Variants in TEK observed in about 807,000 individuals in gnomAD.
The protein encoded by TEK is angiopoietin-1 receptor.
TEK carries 43 observed loss-of-function variants against 131.8 expected under a neutral mutation model. The observed-to-expected ratio is 0.33, with a 90% confidence interval of 0.26 to 0.42. The LOEUF (loss-of-function observed/expected upper bound fraction) is 0.42, where lower values mean the gene tolerates loss of function less well. Among genes scored for constraint, TEK ranks in the 10% least tolerant of loss-of-function variants. TEK has a pLI of 1.00. For missense variants in TEK, 1,162 were observed against 1,384.4 expected (o/e 0.84, Z 2.55); for synonymous variants, 580 against 491.6 (o/e 1.18, Z -2.38).
intron 17 of TEK, among the ~76,000 whole-genome samples, chr9:27,213,106 A>G (rs1825694135): frequency 6.6e-6 from 1 of 152,224 alleles, no homozygotes; most frequent in Non-Finnish European, 1.5e-5. Context: ...AATTATGAAA[A>G]TTGTATAATT....
chr9:27,191,302 T>G (rs1174734265), intron 10 of TEK, among the ~76,000 whole-genome samples: 2 of 152,072 alleles, frequency 1.3e-5, no homozygotes, highest in Non-Finnish European at 2.9e-5. Context: ...AAAAAATAAT[T>G]GAACAAAATG....
At chr9:27,139,185 C>A (rs1303309212) in intron 1 of TEK, among the ~76,000 whole-genome samples, 2 of 125,602 alleles carry the variant, frequency 1.6e-5, no homozygotes, top group African/African-American at 6.1e-5. Flanking sequence ...TGCACTCCAG[C>A]CTGGGCGACA....
chr9:27,121,265 G>A (rs1821775103), intron 1 of TEK, among the ~76,000 whole-genome samples: 1 of 152,202 alleles, frequency 6.6e-6, no homozygotes. Context: ...GGCAGAGGTT[G>A]CAGTGAGCTG....
chr9:27,129,515 A>G (rs1822129848), intron 1 of TEK, among the ~76,000 whole-genome samples: 2 of 152,088 alleles, frequency 1.3e-5, no homozygotes, highest in South Asian at 4.1e-4. Context: ...CAGAACAAAA[A>G]CCAGGTAGTT....
chr9:27,148,415 T>G (rs1279996993), intron 1 of TEK, among the ~76,000 whole-genome samples: 1 of 152,268 alleles, frequency 6.6e-6, no homozygotes, highest in Non-Finnish European at 1.5e-5. Context: ...AAACATTTAT[T>G]ATGACTTATG....
chr9:27,136,598 G>T (rs1283722926), intron 1 of TEK, among the ~76,000 whole-genome samples: 1 of 152,120 alleles, frequency 6.6e-6, no homozygotes, highest in African/African-American at 2.4e-5. Context: ...TAAATACAGA[G>T]ACACGGGGAC....
chr9:27,202,895 T>C lies in TEK; in HGVS notation c.1985T>C (p.Leu662Ser). ...HSSAVISWTI[L>S]DGYSISSITI... is the part of the protein sequence containing the mutation. Reference sequence around the variant, plus strand: ...TCAGCTGTGATTTCTTGGACAATATTGGATGGCTATTCTATTTCTTCTATT... The same window carrying C: ...TCAGCTGTGATTTCTTGGACAATATCGGATGGCTATTCTATTTCTTCTATT... The change falls in exon 13 of 23, where the codon TTG becomes TCG. Residue 662 changes from leucine (L) to serine (S), a missense_variant. Physicochemically the swap from Leu to Ser is moderately radical, Grantham distance 145. This residue lies in a region of TEK where 477 missense variants were observed against 471.0 expected (regional missense o/e 1.01). Transcript: ENST00000380036. The C allele has an allele frequency of 1.9e-6, 3 of 1,614,206 alleles. No individual in the cohort carries two copies. The highest frequency in any genetic ancestry group is 2.5e-6 in the Non-Finnish European group (3 of 1,180,012).
intron 1 of TEK, among the ~76,000 whole-genome samples, chr9:27,128,444 T>A (rs929846297): frequency 1.3e-5 from 2 of 152,210 alleles, no homozygotes; most frequent in Non-Finnish European, 2.9e-5. Context: ...TGCTTAGGAT[T>A]GTCTTGGCTA....
intron 1 of TEK, among the ~76,000 whole-genome samples, chr9:27,115,912 G>T (rs1175627126): frequency 6.6e-6 from 1 of 152,182 alleles, no homozygotes; most frequent in Non-Finnish European, 1.5e-5. Flanking sequence ...CCCTCATTCT[G>T]TACATGTTGA....
intron 4 of TEK, among the ~76,000 whole-genome samples, chr9:27,171,223 T>C (rs919980776): frequency 4.6e-5 from 7 of 152,340 alleles, no homozygotes; most frequent in Admixed American, 1.3e-4. Context: ...TGATTTGCCC[T>C]GAATTTTCCC....
Position 27,158,154 on chromosome 9 carries a change from CT to C in TEK, c.364+13del. On this transcript the variant is annotated intron_variant, in intron 2 of 22. Coordinates refer to ENST00000380036, the MANE Select transcript of TEK (RefSeq NM_000459.5). ...GATGCGTCAACAAGGTAACATGCCC[CT>C]AAGTTTTGGGCAGGTGAGGCCCACT... 1 of 1,613,926 alleles carries C rather than the reference CT, an allele frequency of 6.2e-7. No individual in the cohort carries two copies. Among genetic ancestry groups the C allele is most frequent in the Non-Finnish European group, 8.5e-7 (1 of 1,179,978 alleles).
At chr9:27,228,681 T>C (rs10812541) in intron 22 of TEK, among the ~76,000 whole-genome samples, 1 of 152,050 alleles carries the variant, frequency 6.6e-6, no homozygotes. Context: ...GTTACTATAA[T>C]GAGGGTCAGG....
At position 27,197,498 on chromosome 9, in the gene TEK, A is replaced by C; in HGVS notation, c.1808A>C (p.Asn603Thr). ...VPGNLTSVLL[N>T]NLHPREQYVV... Reference sequence around the variant, plus strand: ...GGCAACTTGACTTCGGTGCTACTTAACAACTTACATCCCAGGGAGCAGTAC... The same window carrying C: ...GGCAACTTGACTTCGGTGCTACTTACCAACTTACATCCCAGGGAGCAGTAC... Residue 603 changes from asparagine to threonine, a missense_variant, in exon 12 of 23, where the codon AAC becomes ACC. Around this residue, in one of 6 missense-constraint regions of TEK, gnomAD observed 477 missense variants for 471.0 expected, o/e 1.01. Coordinates refer to ENST00000380036, the MANE Select transcript of TEK (RefSeq NM_000459.5). 6.2e-7 allele frequency: 1 copy of C among 1,614,136 alleles called. No homozygotes were observed. The highest frequency in any genetic ancestry group is 8.5e-7 in the Non-Finnish European group (1 of 1,180,004).
At chr9:27,185,070 C>T (rs996900185) in intron 8 of TEK, among the ~76,000 whole-genome samples, 6 of 151,936 alleles carry the variant, frequency 3.9e-5, no homozygotes, top group Non-Finnish European at 7.4e-5. Context: ...AGGTCCATCT[C>T]TCTTCAGAAC....
intron 1 of TEK, among the ~76,000 whole-genome samples, chr9:27,132,137 C>T (rs1326199997): frequency 6.8e-6 from 1 of 146,828 alleles, no homozygotes; most frequent in Non-Finnish European, 1.5e-5. Flanking sequence ...GCCCAGGCTG[C>T]AGTGCAGTGG....
chr9:27,163,242 G>A (rs1045114376), intron 2 of TEK, among the ~76,000 whole-genome samples: 4 of 152,166 alleles, frequency 2.6e-5, no homozygotes, highest in South Asian at 2.1e-4. Flanking sequence ...AGTCAGGCCC[G>A]ATTCTAGAAG....
At chr9:27,188,292 C>G (rs904516672) in intron 9 of TEK, among the ~76,000 whole-genome samples, 2 of 152,154 alleles carry the variant, frequency 1.3e-5, no homozygotes, top group Admixed American at 6.5e-5. Flanking sequence ...TGGGTGTACA[C>G]ATAGGTAAAG....
intron 7 of TEK, among the ~76,000 whole-genome samples, chr9:27,182,209 T>G (rs1238620468): frequency 6.6e-6 from 1 of 152,186 alleles, no homozygotes. Context: ...TGGGAGAATC[T>G]AAGACAGGTT....
intron 3 of TEK, 152 bp from the exon 4 acceptor site, chr9:27,169,325 T>C: frequency 9.9e-7 from 1 of 1,005,636 alleles, no homozygotes. Flanking sequence ...GAGTACTGAA[T>C]AGTTCAGCAT....
Sources: allele counts gnomAD v4.1 joint callset (sites outside exome capture counted in the v4.1 genomes callset), GRCh38; gene constraint gnomAD v4.1.1; regional missense constraint gnomAD v4.1.1; transcripts MANE v1.5; gene names NCBI Gene and HGNC (gene_info 2026-07-23, HGNC 2026-07-21).